IREB2: variants seen among roughly 807,000 people sequenced by gnomAD.
IREB2 encodes the protein iron-responsive element-binding protein 2.
In IREB2, 39 loss-of-function variants were observed where a neutral mutation model predicts 118.8. The observed-to-expected ratio is 0.33, with a 90% CI of 0.25 to 0.43. The LOEUF (loss-of-function observed/expected upper bound fraction) is 0.43, where lower values mean the gene tolerates loss of function less well. IREB2 is among the 20% of genes least tolerant of loss of function. The pLI, the probability that IREB2 is intolerant of heterozygous loss-of-function variation, is 1.00. For missense variants in IREB2, 900 were observed against 1,147.3 expected (o/e 0.78, Z 3.11); for synonymous variants, 372 against 392.2 (o/e 0.95, Z 0.61).
In IREB2 at chr15:78,465,301, C is replaced by A. The variant is rs1346028176; in HGVS notation, c.323C>A (p.Thr108Asn). The A allele has an allele frequency of 6.2e-7, 1 of 1,613,462 alleles. No individual in the cohort carries two copies. Among genetic ancestry groups the A allele is most frequent in the Non-Finnish European group, 8.5e-7 (1 of 1,179,672 alleles). ...DFAAMREAVK[T>N]LGGDPEKVHP... ...GCTGCTATGAGGGAGGCAGTGAAAA[C>A]TCTTGGAGGTGATCCTGAGAAAGTC... The change falls in exon 4 of 22, where the codon ACT becomes AAT. Residue 108 changes from threonine (T) to asparagine (N), a missense_variant. By Grantham distance (65) the Thr-to-Asn change is moderately conservative. Transcript: ENST00000258886.
At chr15:78,469,282 G>C (rs184753948) in intron 5 of IREB2, among the ~76,000 whole-genome samples, 1 of 152,260 alleles carries the variant, frequency 6.6e-6, no homozygotes, top group Admixed American at 6.5e-5. Context: ...GCACTTTGTA[G>C]CCATAAGTGC....
At chr15:78,451,928 G>A (rs117207357) in intron 2 of IREB2, among the ~76,000 whole-genome samples, 3,311 of 152,222 alleles carry the variant, frequency 0.022, 129 homozygotes, top group East Asian at 0.092. Context: ...CTCCCAAAGT[G>A]CTAGGATTAC....
At chr15:78,492,479 T>C (rs1253592908) in intron 18 of IREB2, among the ~76,000 whole-genome samples, 3 of 152,096 alleles carry the variant, frequency 2.0e-5, no homozygotes, top group Non-Finnish European at 4.4e-5. Flanking sequence ...TGAAAACTGG[T>C]AAATAATCAA....
intron 2 of IREB2, 49 bp from the exon 3 acceptor site, chr15:78,462,873 A>T (rs781312779): frequency 7.4e-7 from 1 of 1,360,352 alleles, no homozygotes; most frequent in African/African-American, 1.5e-5. Context: ...TAAAAATAAT[A>T]TATAGGTATG....
chr15:78,485,869 G>A (rs1183818757), intron 13 of IREB2, 29 bp downstream of exon 13: 1 of 1,599,530 alleles, frequency 6.3e-7, no homozygotes, highest in Admixed American at 1.7e-5. Context: ...ACTTCATATT[G>A]ATATTGGTGT....
rs1458337457 is a variant in IREB2, at chr15:78,498,116, A to G, written c.2865A>G (p.Leu955=). Residue 955 remains leucine, a synonymous_variant, in exon 22 of 22, where the codon TTA becomes TTG. Transcript: ENST00000258886. ...CATTATACAAACATGGAGGATTATT[A>G]AACTTTGTGGCACGAAAATTCTCAT... ...EITLYKHGGL[L]NFVARKFS The G allele has an allele frequency of 1.9e-6, 3 of 1,609,954 alleles. No individual in the cohort carries two copies. The African/African-American group carries it at 4.0e-5, about 22-fold the overall frequency.
chr15:78,471,633 C>T, intron 6 of IREB2, 108 bp from the exon 7 acceptor site: 2 of 598,678 alleles, frequency 3.3e-6, no homozygotes, highest in South Asian at 3.7e-5. Context: ...TTTGTATTTA[C>T]CATATTGAAC....
intron 3 of IREB2, among the ~76,000 whole-genome samples, 182 bp from the exon 4 acceptor site, chr15:78,465,069 G>C (rs1310474336): frequency 1.3e-5 from 2 of 152,122 alleles, no homozygotes; most frequent in Non-Finnish European, 2.9e-5. Flanking sequence ...TCAGTTCTCA[G>C]ATAATGTTTA....
intron 10 of IREB2, among the ~76,000 whole-genome samples, chr15:78,480,561 G>GGGA: frequency 6.6e-6 from 1 of 151,282 alleles, no homozygotes; most frequent in African/African-American, 2.4e-5. Flanking sequence ...TGGTGGTGGG[G>GGGA]GCCTGTAATC....
At chr15:78,462,724 T>G (rs752629831) in intron 2 of IREB2, among the ~76,000 whole-genome samples, 198 bp from the exon 3 acceptor site, 4 of 152,210 alleles carry the variant, frequency 2.6e-5, no homozygotes, top group Non-Finnish European at 4.4e-5. Context: ...TTTGAGGTTA[T>G]GTACAGGAAA....
chr15:78,461,640 G>A (rs747191540), intron 2 of IREB2, among the ~76,000 whole-genome samples: 1 of 152,124 alleles, frequency 6.6e-6, no homozygotes, highest in Non-Finnish European at 1.5e-5. Context: ...CACAGGCACA[G>A]AAGTCTTCTC....
intron 15 of IREB2, 91 bp from the exon 16 acceptor site, chr15:78,488,556 T>C: frequency 9.4e-6 from 12 of 1,280,358 alleles, no homozygotes; most frequent in Non-Finnish European, 1.3e-5. Context: ...GTTGAATCAT[T>C]TACTTGATTT....
chr15:78,438,418 A>G, intron 1 of IREB2, 62 bp downstream of exon 1: 1 of 1,557,398 alleles, frequency 6.4e-7, no homozygotes, highest in Non-Finnish European at 8.7e-7. Context: ...TAGGCGCCGA[A>G]TTCCTTGCTT....
chr15:78,483,584 G>A (rs2051611632), intron 11 of IREB2, 150 bp downstream of exon 11: 2 of 561,354 alleles, frequency 3.6e-6, no homozygotes, highest in Admixed American at 6.0e-5. Context: ...TCTGTCTAAT[G>A]TGCAAGTCAG....
At chr15:78,490,399 A>G (rs1384916080) in intron 16 of IREB2, 23 bp from the exon 17 acceptor site, 2 of 1,507,716 alleles carry the variant, frequency 1.3e-6, no homozygotes, top group Non-Finnish European at 1.8e-6. Context: ...GCTTTGGTTC[A>G]TCAACGAAAA....
intron 2 of IREB2, among the ~76,000 whole-genome samples, chr15:78,443,451 G>T (rs2050877066): frequency 2.6e-5 from 4 of 152,278 alleles, no homozygotes; most frequent in South Asian, 4.1e-4. Flanking sequence ...TTTAGATAGA[G>T]TTCAACACAG....
chr15:78,493,423 G>A (rs191589664), intron 18 of IREB2, among the ~76,000 whole-genome samples: 5 of 152,174 alleles, frequency 3.3e-5, no homozygotes, highest in East Asian at 3.9e-4. Flanking sequence ...AAAAAAAATC[G>A]ATGTATAAGT....
At chr15:78,478,248 TA>T in intron 9 of IREB2, 48 bp from the exon 10 acceptor site, 1 of 1,221,976 alleles carries the variant, frequency 8.2e-7, no homozygotes, top group Non-Finnish European at 1.2e-6. Context: ...AAATAATAAC[TA>T]AATAAATTTC....
intron 1 of IREB2, 33 bp from the exon 2 acceptor site, chr15:78,439,762 C>A: frequency 8.6e-7 from 1 of 1,166,370 alleles, no homozygotes; most frequent in Non-Finnish European, 1.3e-6. Context: ...TATTTTGTTG[C>A]TGCATTTAAT....
Sources: gnomAD v4.1 joint callset for allele counts (sites outside exome capture counted in the v4.1 genomes callset) on GRCh38, gnomAD v4.1.1 for gene constraint, MANE v1.5 for transcripts, NCBI Gene and HGNC (gene_info 2026-07-23, HGNC 2026-07-21) for gene names.